Variants in NELL1 observed in about 807,000 individuals in gnomAD.
NELL1 encodes the protein neural EGFL like 1.
Under a neutral mutation model 107.4 loss-of-function variants are expected in NELL1, and 76 were observed. That is an observed-to-expected ratio of 0.71 (90% CI 0.59 to 0.86). The LOEUF is 0.86. Ranked by LOEUF, NELL1 falls within the 40% of genes least tolerant of loss-of-function variation. The pLI is 0.00. For missense variants in NELL1, 1,024 were observed against 1,005.5 expected (o/e 1.02, Z -0.25); for synonymous variants, 353 against 341.2 (o/e 1.03, Z -0.38).
intron 13 of NELL1, among the ~76,000 whole-genome samples, chr11:21,165,707 G>T (rs1454240951): frequency 6.7e-6 from 1 of 149,572 alleles, no homozygotes; most frequent in Admixed American, 6.6e-5. Context: ...TAAAGAAAAT[G>T]TGGAACAAAT....
At chr11:21,434,044 T>C (rs1853040550) in intron 15 of NELL1, among the ~76,000 whole-genome samples, 1 of 152,222 alleles carries the variant, frequency 6.6e-6, no homozygotes, top group Non-Finnish European at 1.5e-5. Context: ...TGGGATTATA[T>C]GGTCTTTGCT....
intron 13 of NELL1, among the ~76,000 whole-genome samples, chr11:21,162,145 T>A (rs1271628070): frequency 6.6e-6 from 1 of 151,968 alleles, no homozygotes; most frequent in Non-Finnish European, 1.5e-5. Flanking sequence ...GAGACGGGAT[T>A]TCACCATGTT....
Position 20,857,903 on chromosome 11 carries a change from C to T in NELL1, c.506+10150C>T, listed in dbSNP as rs144952860. ...CTGAATACACCAGTAGGCTTTGGGT[C>T]GCAACTATGGAAGGGAGCCAAGCTC... On this transcript the variant is annotated intron_variant, in intron 4 of 19. Coordinates refer to ENST00000357134, the MANE Select transcript of NELL1 (RefSeq NM_006157.5). Among the ~76,000 whole-genome samples, 31 of 152,238 alleles carry T rather than the reference C, an allele frequency of 2.0e-4. No individual in the cohort carries two copies. In the East Asian group the frequency reaches 4.3e-3, roughly 21 times the overall value.
At chr11:21,015,361 C>T (rs559672952) in intron 12 of NELL1, among the ~76,000 whole-genome samples, 20 of 152,160 alleles carry the variant, frequency 1.3e-4, no homozygotes, top group African/African-American at 4.8e-4. Context: ...TTACTTGATA[C>T]GTGGGCTCAT....
Position 21,157,967 on chromosome 11 carries a change from T to G in NELL1, c.1426+44253T>G, listed in dbSNP as rs533896766. Among the ~76,000 whole-genome samples the G allele has an allele frequency of 2.0e-5, 3 of 152,234 alleles. No homozygotes were observed. The South Asian group carries it at 6.2e-4, about 32-fold the overall frequency. On this transcript the variant is annotated intron_variant, in intron 13 of 19. Transcript: ENST00000357134. ...AGGGTGTTTCCAAAGGAAATTAGCA[T>G]TTGAGTCAGTGGACTGGGAGATGCA...
chr11:21,379,498 T>C lies in NELL1; in HGVS notation c.1645+8550T>C, dbSNP rs114183081. ...GGATATCGGTAAAAAGCAAACAACTTTGAACAGCTTTGTTCATTCACAATA... is the reference window on the plus strand; with the variant it reads ...GGATATCGGTAAAAAGCAAACAACTCTGAACAGCTTTGTTCATTCACAATA... On this transcript the variant is annotated intron_variant, in intron 15 of 19. Transcript: ENST00000357134. Among the ~76,000 whole-genome samples the C allele has an allele frequency of 5.4e-3, 826 of 152,188 alleles. 8 individuals are homozygous for C. Among genetic ancestry groups the C allele is most frequent in the African/African-American group, 0.019 (772 of 41,556 alleles).
intron 2 of NELL1, among the ~76,000 whole-genome samples, chr11:20,755,558 T>TA (rs1564895070): frequency 7.9e-4 from 13 of 16,446 alleles, no homozygotes; most frequent in East Asian, 5.8e-3. Context: ...TTGTTTTTGT[T>TA]TTTGTTTTTT....
At chr11:21,426,462 A>AT (rs1449795101) in intron 15 of NELL1, among the ~76,000 whole-genome samples, 3 of 152,238 alleles carry the variant, frequency 2.0e-5, no homozygotes, top group Non-Finnish European at 4.4e-5. Flanking sequence ...GAAAGAAGAT[A>AT]TTTTAAAGAC....
intron 13 of NELL1, among the ~76,000 whole-genome samples, chr11:21,116,889 A>C (rs1016154089): frequency 6.6e-6 from 1 of 152,044 alleles, no homozygotes; most frequent in Non-Finnish European, 1.5e-5. Context: ...AAGAGAAATC[A>C]TACAACTCTA....
At chr11:20,833,675 TA>T in intron 3 of NELL1, among the ~76,000 whole-genome samples, 1 of 152,198 alleles carries the variant, frequency 6.6e-6, no homozygotes, top group East Asian at 1.9e-4. Flanking sequence ...TATTCTTATT[TA>T]AAAAAACCCT....
At chr11:20,899,600 AATGAAATAGTAAGC>A (rs1271559017) in intron 5 of NELL1, among the ~76,000 whole-genome samples, 1 of 152,142 alleles carries the variant, frequency 6.6e-6, no homozygotes, top group Non-Finnish European at 1.5e-5. Context: ...AAGTAAAAGG[AATGAAATAGTAAGC>A]ATGAAATCGT....
intron 3 of NELL1, among the ~76,000 whole-genome samples, chr11:20,814,363 A>T (rs1272048888): frequency 1.3e-5 from 2 of 152,166 alleles, no homozygotes; most frequent in Non-Finnish European, 2.9e-5. Flanking sequence ...ATATTGTGTG[A>T]TGCTGAGGTT....
intron 2 of NELL1, among the ~76,000 whole-genome samples, chr11:20,691,205 G>T (rs1033703598): frequency 9.2e-5 from 14 of 152,072 alleles, no homozygotes; most frequent in African/African-American, 3.1e-4. Flanking sequence ...GCGTTTTCTA[G>T]ATATGCAATC....
chr11:20,748,919 T>G lies in NELL1; in HGVS notation c.185-34761T>G, dbSNP rs572081847. Among the ~76,000 whole-genome samples the G allele has an allele frequency of 5.6e-3, 782 of 138,514 alleles. 19 individuals carry two copies. Among genetic ancestry groups the G allele is most frequent in the African/African-American group, 0.025 (750 of 30,560 alleles). The allele number at this position is 138,514 out of a possible 152,430, so 90.9% of individuals were successfully genotyped here. A position where few individuals can be genotyped will look rare whatever the true frequency, so the allele number is the denominator to read the frequency against. Reference sequence around the variant, plus strand: ...ATCCATCCACCCAGCCACCCATCCATCCATCCATCCATCCATCCATCCATC... The same window carrying G: ...ATCCATCCACCCAGCCACCCATCCAGCCATCCATCCATCCATCCATCCATC... On this transcript the variant is annotated intron_variant, in intron 2 of 19. Transcript: ENST00000357134.
In NELL1 at chr11:20,783,757, A is replaced by C; in HGVS notation, c.262A>C (p.Thr88Pro). ...GCTGTTCCGGAACAAGAGTGAATTCACCATTTTGGCCACTGTACAGCAGAA... is the reference window on the plus strand; with the variant it reads ...GCTGTTCCGGAACAAGAGTGAATTCCCCATTTTGGCCACTGTACAGCAGAA... ...IQLFRNKSEFTILATVQQKPS... is the reference protein window; with the variant it reads ...IQLFRNKSEFPILATVQQKPS... The change falls in exon 3 of 20, where the codon ACC becomes CCC. Residue 88 changes from threonine (T) to proline (P), a missense_variant. Physicochemically the swap from Thr to Pro is conservative, Grantham distance 38 (BLOSUM62 -1). Transcript: ENST00000357134. 6.2e-7 allele frequency: 1 copy of C among 1,614,052 alleles called. No individual in the cohort carries two copies. The highest frequency in any genetic ancestry group is 8.5e-7 in the Non-Finnish European group (1 of 1,179,948).
chr11:21,391,438 C>T (rs1851876630), intron 15 of NELL1, among the ~76,000 whole-genome samples: 2 of 151,880 alleles, frequency 1.3e-5, no homozygotes, highest in South Asian at 2.1e-4. Flanking sequence ...TACATCTTCT[C>T]TGTTCTTTAT....
chr11:21,036,445 A>G (rs542891674), intron 12 of NELL1, among the ~76,000 whole-genome samples: 3 of 152,328 alleles, frequency 2.0e-5, no homozygotes, highest in African/African-American at 7.2e-5. Flanking sequence ...AGCAAAAAGG[A>G]CAAAGCTGGA....
At chr11:21,466,206 C>A (rs1469625131) in intron 15 of NELL1, among the ~76,000 whole-genome samples, 1 of 152,156 alleles carries the variant, frequency 6.6e-6, no homozygotes, top group African/African-American at 2.4e-5. Flanking sequence ...ATGCATTGCC[C>A]TCTACCTGAA....
chr11:20,973,489 C>T (rs943069580), intron 12 of NELL1, among the ~76,000 whole-genome samples: 7 of 152,116 alleles, frequency 4.6e-5, no homozygotes, highest in South Asian at 2.1e-4. Context: ...TCTTTATATC[C>T]GCAGCCTAGC....
Sources: gnomAD v4.1 joint callset for allele counts (sites outside exome capture counted in the v4.1 genomes callset) on GRCh38, gnomAD v4.1.1 for gene constraint, MANE v1.5 for transcripts, NCBI Gene and HGNC (gene_info 2026-07-23, HGNC 2026-07-21) for gene names.